Variants in RELN observed in about 807,000 individuals in gnomAD.
The protein encoded by RELN is reelin.
Under a neutral mutation model 427.6 loss-of-function variants are expected in RELN, and 108 were observed. The observed-to-expected ratio is 0.25, with a 90% CI of 0.22 to 0.30. The LOEUF (loss-of-function observed/expected upper bound fraction) is 0.30, where lower values mean the gene tolerates loss of function less well. Among genes scored for constraint, RELN ranks in the 10% least tolerant of loss-of-function variants. The probability of loss-of-function intolerance (pLI) is 1.00; values close to 1 mark genes in which losing one functional copy is unlikely to be tolerated. For missense variants in RELN, 3,715 were observed against 4,302.8 expected, an observed-to-expected ratio of 0.86 and a Z score of 3.82; for synonymous variants, 1,524 against 1,513.4, an observed-to-expected ratio of 1.01 and a Z score of -0.16.
chr7:103,531,256 C>T (rs1262053638), intron 46 of RELN, among the ~76,000 whole-genome samples: 1 of 152,100 alleles, frequency 6.6e-6, no homozygotes, highest in African/African-American at 2.4e-5. Context: ...TGCTTAAAAG[C>T]TCATAGGGGT....
intron 2 of RELN, among the ~76,000 whole-genome samples, chr7:103,849,653 C>T (rs1006064044): frequency 6.6e-5 from 10 of 152,098 alleles, no homozygotes; most frequent in Admixed American, 2.6e-4. Context: ...TCTCTTTTTG[C>T]TACTACTCTC....
intron 2 of RELN, among the ~76,000 whole-genome samples, chr7:103,881,936 T>C (rs983136725): frequency 6.6e-6 from 1 of 152,200 alleles, no homozygotes; most frequent in East Asian, 1.9e-4. Context: ...TTGAATATTG[T>C]ATTAAAACCA....
intron 4 of RELN, among the ~76,000 whole-genome samples, chr7:103,776,150 T>C (rs1584484186): frequency 6.6e-6 from 1 of 152,298 alleles, no homozygotes; most frequent in East Asian, 1.9e-4. Flanking sequence ...AACAGGCCCA[T>C]AGATACTGTA....
intron 49 of RELN, 103 bp from the exon 50 acceptor site, chr7:103,515,544 G>C: frequency 7.0e-7 from 1 of 1,430,162 alleles, no homozygotes; most frequent in Non-Finnish European, 9.7e-7. Context: ...ATGTCACATG[G>C]TGGGTGAGGG....
intron 3 of RELN, among the ~76,000 whole-genome samples, chr7:103,782,677 G>T (rs1475683190): frequency 6.6e-6 from 1 of 152,048 alleles, no homozygotes; most frequent in Non-Finnish European, 1.5e-5. Context: ...TCCATAATTT[G>T]CTTACCATGT....
At chr7:103,697,710 G>T (rs1021012716) in intron 10 of RELN, 143 bp downstream of exon 10, 1 of 1,086,860 alleles carries the variant, frequency 9.2e-7, no homozygotes, top group African/African-American at 1.6e-5. Context: ...AAAAGGTAGG[G>T]TAATATAAAT....
At chr7:103,619,884 G>A (rs1367100061) in intron 20 of RELN, among the ~76,000 whole-genome samples, 1 of 152,148 alleles carries the variant, frequency 6.6e-6, no homozygotes, top group Non-Finnish European at 1.5e-5. Flanking sequence ...GTTTGTGTGT[G>A]TGTGTGTGTG....
At chr7:103,557,854 T>C (rs1830558924) in intron 37 of RELN, 111 bp downstream of exon 37, 2 of 674,254 alleles carry the variant, frequency 3.0e-6, no homozygotes, top group Admixed American at 4.5e-5. Context: ...TAATTTATGT[T>C]AGCCCTTCCA....
intron 62 of RELN, among the ~76,000 whole-genome samples, 170 bp downstream of exon 62, chr7:103,483,482 GA>G (rs1424007324): frequency 6.6e-6 from 1 of 152,080 alleles, no homozygotes; most frequent in Non-Finnish European, 1.5e-5. Context: ...TGTCCTAATC[GA>G]AAACAGTAAC....
intron 60 of RELN, among the ~76,000 whole-genome samples, chr7:103,488,515 A>G (rs1828526596): frequency 6.6e-6 from 1 of 152,236 alleles, no homozygotes; most frequent in African/African-American, 2.4e-5. Flanking sequence ...TTCTAACATC[A>G]GAGATGTGCA....
chr7:103,789,596 T>C (rs1373973301), intron 3 of RELN, among the ~76,000 whole-genome samples: 1 of 152,186 alleles, frequency 6.6e-6, no homozygotes, highest in Non-Finnish European at 1.5e-5. Flanking sequence ...TCATCATCAC[T>C]GGTCATTAGA....
At chr7:103,805,081 A>G (rs955494187) in intron 3 of RELN, among the ~76,000 whole-genome samples, 4 of 152,126 alleles carry the variant, frequency 2.6e-5, no homozygotes, top group South Asian at 2.1e-4. Flanking sequence ...GTGGAAAAAA[A>G]AAACAACTCA....
intron 3 of RELN, among the ~76,000 whole-genome samples, chr7:103,782,904 G>A (rs1375942891): frequency 6.6e-6 from 1 of 152,094 alleles, no homozygotes; most frequent in Non-Finnish European, 1.5e-5. Context: ...CTTTGTTAAT[G>A]AGGTCTGGTA....
intron 4 of RELN, among the ~76,000 whole-genome samples, chr7:103,767,633 A>T (rs1353090577): frequency 6.6e-6 from 1 of 152,202 alleles, no homozygotes; most frequent in Non-Finnish European, 1.5e-5. Context: ...CTGCAAAAAA[A>T]ACTGATTTCT....
intron 63 of RELN, among the ~76,000 whole-genome samples, chr7:103,480,250 T>C (rs1365842918): frequency 6.6e-6 from 1 of 152,182 alleles, no homozygotes; most frequent in Non-Finnish European, 1.5e-5. Context: ...ATACATCCTC[T>C]GAAGCAAAGT....
intron 1 of RELN, among the ~76,000 whole-genome samples, chr7:103,950,446 GA>G (rs796679420): frequency 1.3e-5 from 2 of 151,468 alleles, no homozygotes; most frequent in South Asian, 2.1e-4. Context: ...CTAAGATTAT[GA>G]AAAAAAATCA....
Position 103,740,778 on chromosome 7 carries a change from A to T in RELN, c.656+8648T>A, listed in dbSNP as rs553616052. Among the ~76,000 whole-genome samples, 102 of 152,364 alleles carry T rather than the reference A, an allele frequency of 6.7e-4. 4 individuals are homozygous for T. In the South Asian group the frequency reaches 0.021, roughly 31 times the overall value. On this transcript the variant is annotated intron_variant, in intron 6 of 64. Coordinates refer to ENST00000428762, the MANE Select transcript of RELN (RefSeq NM_005045.4). ...TTGACCTACCTCTCTAAGATTGTAC[A>T]GACATAACTAGTTTCTTAATTTCTC...
chr7:103,876,178 G>A (rs906629694), intron 2 of RELN, among the ~76,000 whole-genome samples: 2 of 152,096 alleles, frequency 1.3e-5, no homozygotes, highest in African/African-American at 4.8e-5. Context: ...AACTTGTACG[G>A]AAAGATGAAA....
intron 11 of RELN, among the ~76,000 whole-genome samples, chr7:103,680,634 G>T (rs1562954181): frequency 6.6e-6 from 1 of 151,986 alleles, no homozygotes. Flanking sequence ...CTTTGATCTG[G>T]GAGAGGAGTG....
Sources: allele counts gnomAD v4.1 joint callset (sites outside exome capture counted in the v4.1 genomes callset), GRCh38; gene constraint gnomAD v4.1.1; transcripts MANE v1.5; gene names NCBI Gene and HGNC (gene_info 2026-07-23, HGNC 2026-07-21).